The following ZNF503 variants were observed in gnomAD, a reference collection of about 807,000 sequenced individuals.
ZNF503 encodes the protein zinc finger protein 503.
ZNF503 carries 15 observed loss-of-function variants against 34.4 expected under a neutral mutation model. The observed-to-expected ratio is 0.44, with a 90% CI of 0.29 to 0.67. The LOEUF (loss-of-function observed/expected upper bound fraction) is 0.67, where lower values mean the gene tolerates loss of function less well. Ranked by LOEUF, ZNF503 falls within the 30% of genes least tolerant of loss-of-function variation. The pLI, the probability that ZNF503 is intolerant of heterozygous loss-of-function variation, is 0.13. For synonymous variants in ZNF503, 580 were observed against 456.8 expected (o/e 1.27, Z -3.44); for missense variants, 1,007 against 926.8 (o/e 1.09, Z -1.12).
At chr10:75,380,144 A>G in the ZNF503 span, among the ~76,000 whole-genome samples, 1 of 152,218 alleles carries the variant, frequency 6.6e-6, no homozygotes, top group African/African-American at 2.4e-5. Context: ...GGGAAGAACA[A>G]CAGAGATGGA....
the ZNF503 span, among the ~76,000 whole-genome samples, chr10:75,376,131 A>C: frequency 1.3e-5 from 2 of 152,240 alleles, no homozygotes; most frequent in East Asian, 3.9e-4. Context: ...ACTTGCTCTT[A>C]AGAAGTGCCA....
chr10:75,349,248 A>G, the ZNF503 span, among the ~76,000 whole-genome samples: 2 of 152,186 alleles, frequency 1.3e-5, no homozygotes, highest in South Asian at 2.1e-4. Context: ...CACACTTTGC[A>G]TTTAGTTGGA....
chr10:75,401,800 G>A (rs910063116), upstream of ZNF503: 5 of 257,520 alleles, frequency 1.9e-5, no homozygotes, highest in Admixed American at 1.2e-4. Context: ...GCTGCACCAA[G>A]GGGGAGATTA....
chr10:75,378,499 A>T, the ZNF503 span, among the ~76,000 whole-genome samples: 1 of 151,890 alleles, frequency 6.6e-6, no homozygotes, highest in South Asian at 2.1e-4. Flanking sequence ...CTCCGCACTT[A>T]TCCATGACCC....
the ZNF503 span, among the ~76,000 whole-genome samples, chr10:75,376,418 C>A: frequency 6.6e-6 from 1 of 152,092 alleles, no homozygotes; most frequent in Non-Finnish European, 1.5e-5. Context: ...CTGAGGTAGG[C>A]GGATCACTTG....
chr10:75,344,950 C>A, the ZNF503 span, among the ~76,000 whole-genome samples: 2 of 152,226 alleles, frequency 1.3e-5, no homozygotes, highest in African/African-American at 4.8e-5. Context: ...TATTATCCAA[C>A]CCCTTTAAGC....
chr10:75,395,848 A>G (rs1321793342), downstream of ZNF503, among the ~76,000 whole-genome samples: 1 of 152,154 alleles, frequency 6.6e-6, no homozygotes, highest in African/African-American at 2.4e-5. This position sits in a 1 kb window ranked among gnomAD's most constrained non-coding sequence, Gnocchi z 4.4. Flanking sequence ...ATAAAATACC[A>G]AGAAGGGGCA....
chr10:75,306,646 G>C, the ZNF503 span, among the ~76,000 whole-genome samples: 1 of 151,766 alleles, frequency 6.6e-6, no homozygotes, highest in Non-Finnish European at 1.5e-5. Flanking sequence ...GAAAATTTTT[G>C]GCAATCCTGC....
chr10:75,381,369 C>A, the ZNF503 span, among the ~76,000 whole-genome samples: 3 of 152,140 alleles, frequency 2.0e-5, no homozygotes, highest in Non-Finnish European at 2.9e-5. Flanking sequence ...ACTACAGGCA[C>A]ACGCCACCAT....
At chr10:75,332,712 T>G in the ZNF503 span, among the ~76,000 whole-genome samples, 1 of 146,224 alleles carries the variant, frequency 6.8e-6, no homozygotes, top group Non-Finnish European at 1.5e-5. Flanking sequence ...ATCTGTTTAA[T>G]AAAGCACATC....
At chr10:75,352,420 G>A in the ZNF503 span, among the ~76,000 whole-genome samples, 1 of 141,710 alleles carries the variant, frequency 7.1e-6, no homozygotes, top group Non-Finnish European at 1.6e-5. Flanking sequence ...ATCCTCTGAA[G>A]CACCTCGCCT....
the ZNF503 span, among the ~76,000 whole-genome samples, chr10:75,293,641 G>A: frequency 6.6e-6 from 1 of 151,862 alleles, no homozygotes; most frequent in African/African-American, 2.4e-5. Flanking sequence ...CCATCTGTGT[G>A]TGTGCGTGTG....
chr10:75,326,502 A>C, the ZNF503 span, among the ~76,000 whole-genome samples: 5 of 152,090 alleles, frequency 3.3e-5, no homozygotes, highest in Non-Finnish European at 5.9e-5. Context: ...TATAATGATG[A>C]GTTGGCAATT....
At chr10:75,313,806 G>A in the ZNF503 span, among the ~76,000 whole-genome samples, 1 of 152,332 alleles carries the variant, frequency 6.6e-6, no homozygotes, top group South Asian at 2.1e-4. Flanking sequence ...GAGCATTTCA[G>A]GGCACTGACC....
At chr10:75,385,570 G>A in the ZNF503 span, among the ~76,000 whole-genome samples, 1 of 152,172 alleles carries the variant, frequency 6.6e-6, no homozygotes, top group Non-Finnish European at 1.5e-5. Context: ...CTCCCACATG[G>A]CCTGTCCTGT....
chr10:75,377,889 A>G, the ZNF503 span, among the ~76,000 whole-genome samples: 1 of 152,198 alleles, frequency 6.6e-6, no homozygotes, highest in African/African-American at 2.4e-5. Flanking sequence ...CTGCACAGGA[A>G]GCATAGCAGC....
the ZNF503 span, among the ~76,000 whole-genome samples, chr10:75,326,778 C>G: frequency 5.9e-4 from 89 of 152,116 alleles, no homozygotes; most frequent in African/African-American, 1.9e-3. Flanking sequence ...TCAAGTGATT[C>G]TTGTGCCTCA....
At chr10:75,383,728 A>T in the ZNF503 span, among the ~76,000 whole-genome samples, 2 of 152,166 alleles carry the variant, frequency 1.3e-5, no homozygotes, top group Non-Finnish European at 2.9e-5. Flanking sequence ...CTGTTCATTG[A>T]TCAGCCATTC....
At chr10:75,395,096 G>A (rs1344118763), downstream of ZNF503, among the ~76,000 whole-genome samples, 1 of 152,190 alleles carries the variant, frequency 6.6e-6, no homozygotes, top group African/African-American at 2.4e-5. The surrounding 1 kb of genome is among the most constrained non-coding windows in gnomAD (Gnocchi z 4.4). Flanking sequence ...GGCAAGGAGT[G>A]GGCGCTAGGA....
Sources: allele counts gnomAD v4.1 joint callset (sites outside exome capture counted in the v4.1 genomes callset), GRCh38; gene constraint gnomAD v4.1.1; non-coding constraint Gnocchi (gnomAD v3.1); transcripts MANE v1.5; gene names NCBI Gene and HGNC (gene_info 2026-07-23, HGNC 2026-07-21).